AGAP1: variants seen among roughly 807,000 people sequenced by gnomAD.
AGAP1 encodes the protein arf-GAP with GTPase, ANK repeat and PH domain-containing protein 1.
A neutral mutation model predicts 105.3 loss-of-function variants in AGAP1; 29 were observed. That is an observed-to-expected ratio of 0.28 (90% CI 0.21 to 0.38). The LOEUF (loss-of-function observed/expected upper bound fraction) is 0.38, where lower values mean the gene tolerates loss of function less well. Ranked by LOEUF, AGAP1 falls within the 10% of genes least tolerant of loss-of-function variation. AGAP1 has a pLI of 1.00. For synonymous variants in AGAP1, 509 were observed against 485.9 expected, an observed-to-expected ratio of 1.05 and a Z score of -0.63; for missense variants, 998 against 1,165.1, an observed-to-expected ratio of 0.86 and a Z score of 2.09.
intron 10 of AGAP1, among the ~76,000 whole-genome samples, chr2:235,890,678 C>T (rs2050495742): frequency 6.6e-6 from 1 of 152,148 alleles, no homozygotes; most frequent in African/African-American, 2.4e-5. Context: ...CAGGCTACAT[C>T]CGTTCTAGTG....
At chr2:235,746,433 A>G (rs1456476357) in intron 5 of AGAP1, among the ~76,000 whole-genome samples, 1 of 105,612 alleles carries the variant, frequency 9.5e-6, no homozygotes, top group East Asian at 2.7e-4. Flanking sequence ...GGTCGCTCTC[A>G]CTCCTGAAAC....
intron 1 of AGAP1, among the ~76,000 whole-genome samples, chr2:235,539,459 T>C (rs1329777071): frequency 6.6e-6 from 1 of 152,210 alleles, no homozygotes; most frequent in Admixed American, 6.5e-5. Context: ...GCCTGTCACC[T>C]CCAGTTCTTG....
rs2058045686 is a variant in AGAP1 at position 236,056,123 on chromosome 2, G to C, written c.2114+6842G>C. Among the ~76,000 whole-genome samples, 1 of 152,168 alleles carries C rather than the reference G, an allele frequency of 6.6e-6. No individual in the cohort carries two copies. The highest frequency in any genetic ancestry group is 2.4e-5 in the African/African-American group (1 of 41,430). On this transcript the variant is annotated intron_variant, in intron 16 of 17. Transcript: ENST00000304032. The surrounding 1 kb of genome is among the most constrained non-coding windows in gnomAD (Gnocchi z 4.6). Reference sequence around the variant, plus strand: ...CCATAAAGACTGGCTCTAATTATAAGAAAGGTGATTCTAAGAAGATTCTCC... The same window carrying C: ...CCATAAAGACTGGCTCTAATTATAACAAAGGTGATTCTAAGAAGATTCTCC...
intron 1 of AGAP1, among the ~76,000 whole-genome samples, chr2:235,541,249 C>T (rs1943423330): frequency 6.6e-6 from 1 of 152,062 alleles, no homozygotes; most frequent in South Asian, 2.1e-4. Context: ...TGGCTGCCAT[C>T]TGGCTGAGGA....
intron 8 of AGAP1, among the ~76,000 whole-genome samples, chr2:235,802,910 T>TGGTG (rs1274700242): frequency 3.5e-5 from 4 of 113,698 alleles, no homozygotes; most frequent in Non-Finnish European, 5.6e-5. Context: ...GTTGTGATGG[T>TGGTG]GTGATGGTTG....
At position 235,994,191 on chromosome 2, in the gene AGAP1, T is replaced by G. The variant is rs1330718588; in HGVS notation, c.1645+25568T>G. ...ATATGTGTCCTTTTTAAGAGTCTTG[T>G]CGTTTCATACTCTCATTTTGGCAAG... On this transcript the variant is annotated intron_variant, in intron 13 of 17. Coordinates refer to ENST00000304032, the MANE Select transcript of AGAP1 (RefSeq NM_001037131.3). The surrounding 1 kb of genome is among the most constrained non-coding windows in gnomAD (Gnocchi z 4.4). 6.6e-6 allele frequency among the ~76,000 whole-genome samples: 1 copy of G among 152,174 alleles called. No homozygotes were observed. Among genetic ancestry groups the G allele is most frequent in the African/African-American group, 2.4e-5 (1 of 41,448 alleles).
At chr2:235,894,360 C>T (rs1183753848) in intron 10 of AGAP1, among the ~76,000 whole-genome samples, 1 of 152,160 alleles carries the variant, frequency 6.6e-6, no homozygotes, top group African/African-American at 2.4e-5. Flanking sequence ...CTTCGCTTCC[C>T]TGGGAACAGC....
intron 12 of AGAP1, among the ~76,000 whole-genome samples, chr2:235,932,310 C>T (rs553272772): frequency 2.6e-5 from 4 of 152,298 alleles, no homozygotes; most frequent in African/African-American, 7.2e-5. Context: ...CCCTCCCTTA[C>T]GTAGAAGTTA....
In AGAP1 at chr2:235,578,701, C is replaced by T. The variant is rs1244403557; in HGVS notation, c.163+83852C>T. Among the ~76,000 whole-genome samples the T allele has an allele frequency of 6.6e-6, 1 of 151,298 alleles. No individual in the cohort carries two copies. Among genetic ancestry groups the T allele is most frequent in the African/African-American group, 2.4e-5 (1 of 41,088 alleles). On this transcript the variant is annotated intron_variant, in intron 1 of 17. Coordinates refer to ENST00000304032, the MANE Select transcript of AGAP1 (RefSeq NM_001037131.3). The surrounding 1 kb of genome is among the most constrained non-coding windows in gnomAD (Gnocchi z 4.9). ...TTGGGAGGCTGAGGCAGGAGAATTG[C>T]TTGAACCCAGGAGGCGGAGGTTGCA...
At chr2:235,857,668 C>T (rs750402457) in intron 9 of AGAP1, among the ~76,000 whole-genome samples, 7 of 152,212 alleles carry the variant, frequency 4.6e-5, no homozygotes, top group African/African-American at 1.7e-4. Flanking sequence ...CACAGAAGAG[C>T]ACCTCCTCGG....
intron 1 of AGAP1, among the ~76,000 whole-genome samples, chr2:235,518,215 T>C (rs1054376634): frequency 6.6e-6 from 1 of 152,232 alleles, no homozygotes; most frequent in African/African-American, 2.4e-5. Context: ...TGGTGTTTAA[T>C]CCACGTGAAG....
intron 13 of AGAP1, among the ~76,000 whole-genome samples, chr2:236,034,315 T>A (rs1450230592): frequency 1.4e-5 from 2 of 147,972 alleles, no homozygotes; most frequent in East Asian, 2.0e-4. Flanking sequence ...TTTTTTTTTT[T>A]AATGAAATCT....
chr2:236,044,413 C>T lies in AGAP1; in HGVS notation c.1891+3572C>T, dbSNP rs2057653488. ...CATGGACAGGCCCTGAGAGGCAGCTCACCGTTTCTGCTGCTTTCTCTCTGC... is the reference window on the plus strand; with the variant it reads ...CATGGACAGGCCCTGAGAGGCAGCTTACCGTTTCTGCTGCTTTCTCTCTGC... On this transcript the variant is annotated intron_variant, in intron 15 of 17. Transcript: ENST00000304032. This position sits in a 1 kb window ranked among gnomAD's most constrained non-coding sequence, Gnocchi z 5.7. Among the ~76,000 whole-genome samples the T allele has an allele frequency of 6.6e-6, 1 of 152,172 alleles. No homozygotes were observed. Among genetic ancestry groups the T allele is most frequent in the South Asian group, 2.1e-4 (1 of 4,830 alleles).
chr2:235,726,879 TAGAA>T (rs1174451500), intron 3 of AGAP1, among the ~76,000 whole-genome samples: 7 of 152,136 alleles, frequency 4.6e-5, no homozygotes. Flanking sequence ...GATTTAGTTT[TAGAA>T]AGACCCTAAT....
At position 236,038,343 on chromosome 2, in the gene AGAP1, C is replaced by G. The variant is rs1245266915; in HGVS notation, c.1800+1628C>G. On this transcript the variant is annotated intron_variant, in intron 14 of 17. Coordinates refer to ENST00000304032, the MANE Select transcript of AGAP1 (RefSeq NM_001037131.3). This position sits in a 1 kb window ranked among gnomAD's most constrained non-coding sequence, Gnocchi z 4.5. ...CAGGTTCCTGCCTTCATGGAGAAAT[C>G]ACAGTCTTTCACGGCAGACTCTGAG... 2.0e-5 allele frequency among the ~76,000 whole-genome samples: 3 copies of G among 152,182 alleles called. No individual in the cohort carries two copies. The highest frequency in any genetic ancestry group is 2.0e-4 in the Admixed American group (3 of 15,280).
rs533641139 is a variant in AGAP1 at position 235,608,343 on chromosome 2, G to T, written c.164-100836G>T. 1.1e-4 allele frequency among the ~76,000 whole-genome samples: 17 copies of T among 152,298 alleles called. No individual in the cohort carries two copies. Among genetic ancestry groups the T allele is most frequent in the Admixed American group, 9.2e-4 (14 of 15,294 alleles). ...GTCTTTTTTTCCCCCAAGTAATCTG[G>T]CTCTGGGAGGAAACTCGCTGATTGG... On this transcript the variant is annotated intron_variant, in intron 1 of 17. Transcript: ENST00000304032. The surrounding 1 kb of genome is among the most constrained non-coding windows in gnomAD (Gnocchi z 5.4).
intron 11 of AGAP1, among the ~76,000 whole-genome samples, chr2:235,920,059 G>A (rs1266718708): frequency 6.6e-6 from 1 of 152,152 alleles, no homozygotes; most frequent in Non-Finnish European, 1.5e-5. Flanking sequence ...AAGTGACGAC[G>A]AACCGTCTAA....
chr2:235,619,760 G>A (rs549882602), intron 1 of AGAP1, among the ~76,000 whole-genome samples: 2 of 152,204 alleles, frequency 1.3e-5, no homozygotes, highest in Admixed American at 6.5e-5. Context: ...CAGCTTCGGC[G>A]CCCGAATTGC....
In AGAP1 at chr2:235,777,635, T is replaced by TC. The variant is rs1484698002; in HGVS notation, c.674-20122dup. Among the ~76,000 whole-genome samples, 1 of 152,090 alleles carries TC rather than the reference T, an allele frequency of 6.6e-6. No homozygotes were observed. Among genetic ancestry groups the TC allele is most frequent in the Non-Finnish European group, 1.5e-5 (1 of 68,022 alleles). On this transcript the variant is annotated intron_variant, in intron 6 of 17. Coordinates refer to ENST00000304032, the MANE Select transcript of AGAP1 (RefSeq NM_001037131.3). This position sits in a 1 kb window ranked among gnomAD's most constrained non-coding sequence, Gnocchi z 5.1. ...TCGCCTTCTCAGAATCCGACGCTGG[T>TC]CCTAAGTGCCTTCAGCTGTCACCTG...
Sources: allele counts gnomAD v4.1 joint callset (sites outside exome capture counted in the v4.1 genomes callset), GRCh38; gene constraint gnomAD v4.1.1; non-coding constraint Gnocchi (gnomAD v3.1); transcripts MANE v1.5; gene names NCBI Gene and HGNC (gene_info 2026-07-23, HGNC 2026-07-21).